Variants in ADAMTS6 observed in about 807,000 individuals in gnomAD.
The protein encoded by ADAMTS6 is A disintegrin and metalloproteinase with thrombospondin motifs 6.
ADAMTS6 carries 23 observed loss-of-function variants against 144.3 expected under a neutral mutation model. The ratio of observed to expected loss-of-function variants is 0.16; its 90% CI spans 0.11 to 0.23. The LOEUF (loss-of-function observed/expected upper bound fraction) is 0.23. Ranked by LOEUF, ADAMTS6 falls within the 10% of genes least tolerant of loss-of-function variation. The probability of loss-of-function intolerance (pLI) is 1.00; values close to 1 mark genes in which losing one functional copy is unlikely to be tolerated. For synonymous variants in ADAMTS6, 444 were observed against 457.5 expected (o/e 0.97, Z 0.38); for missense variants, 999 against 1,379.6 (o/e 0.72, Z 4.37).
At chr5:65,321,269 G>A (rs1745584318) in intron 9 of ADAMTS6, among the ~76,000 whole-genome samples, 1 of 152,100 alleles carries the variant, frequency 6.6e-6, no homozygotes, top group Non-Finnish European at 1.5e-5. Context: ...TTATCTCACT[G>A]TGGTTTTGAT....
chr5:65,194,382 G>A (rs1306088643), intron 21 of ADAMTS6, among the ~76,000 whole-genome samples: 6 of 152,194 alleles, frequency 3.9e-5, no homozygotes, highest in East Asian at 1.9e-4. Flanking sequence ...TATCATGAGC[G>A]TAAATGACCA....
intron 21 of ADAMTS6, among the ~76,000 whole-genome samples, chr5:65,189,803 G>A (rs1366975118): frequency 6.6e-6 from 1 of 152,296 alleles, no homozygotes; most frequent in Non-Finnish European, 1.5e-5. Flanking sequence ...TATTTCAATC[G>A]AAATTCATTT....
At chr5:65,399,728 CATAT>C (rs1387740453) in intron 7 of ADAMTS6, among the ~76,000 whole-genome samples, 1 of 152,076 alleles carries the variant, frequency 6.6e-6, no homozygotes, top group Non-Finnish European at 1.5e-5. Context: ...CAGATACATA[CATAT>C]GATACATAAG....
intron 7 of ADAMTS6, among the ~76,000 whole-genome samples, chr5:65,393,982 G>A (rs1753127962): frequency 6.6e-6 from 1 of 152,146 alleles, no homozygotes; most frequent in South Asian, 2.1e-4. Context: ...GGTAAATAGG[G>A]AGCAAAAGCT....
chr5:65,271,376 TAAAAA>T (rs771448447), intron 12 of ADAMTS6, among the ~76,000 whole-genome samples: 3 of 116,420 alleles, frequency 2.6e-5, no homozygotes, highest in Non-Finnish European at 3.5e-5. Flanking sequence ...ATACTCCGTC[TAAAAA>T]AAAAAAAAAA....
At position 65,471,289 on chromosome 5, in the gene ADAMTS6, T is replaced by C. The variant is rs79995190; in HGVS notation, c.98-147A>G. 9.0e-3 allele frequency: 6,518 copies of C among 720,590 alleles called. 329 individuals carry two copies. In the African/African-American group the frequency reaches 0.11, roughly 12 times the overall value. 44.6% of individuals were successfully genotyped at this position (720,590 alleles called of 1,614,324 possible). On this transcript the variant is annotated intron_variant, in intron 2 of 24. Coordinates refer to ENST00000381055, the MANE Select transcript of ADAMTS6 (RefSeq NM_197941.4). ...TGTGAGGTATGTACAAAAAAAGTTA[T>C]ATTAAACAAAAATGAAAGAATAAAA...
chr5:65,450,349 T>C (rs1386704781), intron 7 of ADAMTS6, among the ~76,000 whole-genome samples: 1 of 152,154 alleles, frequency 6.6e-6, no homozygotes, highest in Non-Finnish European at 1.5e-5. Flanking sequence ...TATGACTCAG[T>C]TACCCGGGAA....
chr5:65,262,212 G>A (rs1761260800), intron 13 of ADAMTS6, among the ~76,000 whole-genome samples: 1 of 152,180 alleles, frequency 6.6e-6, no homozygotes, highest in Non-Finnish European at 1.5e-5. Context: ...GACTCTGGCT[G>A]GAGAAAACAG....
intron 15 of ADAMTS6, among the ~76,000 whole-genome samples, chr5:65,239,247 C>G (rs1267322393): frequency 7.2e-6 from 1 of 139,774 alleles, no homozygotes; most frequent in Non-Finnish European, 1.5e-5. Context: ...GCACATGCAC[C>G]CTAGAACTTA....
chr5:65,183,880 T>A (rs1754513356), intron 22 of ADAMTS6, among the ~76,000 whole-genome samples: 2 of 152,196 alleles, frequency 1.3e-5, no homozygotes, highest in Admixed American at 6.5e-5. Context: ...TTTAGTTCAA[T>A]AATAATTTTT....
intron 1 of ADAMTS6, among the ~76,000 whole-genome samples, chr5:65,479,178 G>GT (rs1322802767): frequency 2.0e-5 from 3 of 152,130 alleles, no homozygotes; most frequent in Non-Finnish European, 2.9e-5. Flanking sequence ...CCTTTCAGGT[G>GT]TTTAATTTTT....
chr5:65,185,680 C>CT (rs1487484748), intron 22 of ADAMTS6, among the ~76,000 whole-genome samples: 4 of 152,156 alleles, frequency 2.6e-5, no homozygotes, highest in Non-Finnish European at 5.9e-5. Context: ...CTTAGAGCCT[C>CT]TTAGAGCCAT....
At chr5:65,388,403 ACTGAAACC>A (rs757373147) in intron 7 of ADAMTS6, among the ~76,000 whole-genome samples, 3 of 152,036 alleles carry the variant, frequency 2.0e-5, no homozygotes, top group Non-Finnish European at 1.5e-5. Context: ...AAGTTATAAC[ACTGAAACC>A]CTCAGCCTAC....
chr5:65,271,283 G>A (rs1762032661), intron 12 of ADAMTS6, among the ~76,000 whole-genome samples: 1 of 150,718 alleles, frequency 6.6e-6, no homozygotes, highest in Admixed American at 6.6e-5. Flanking sequence ...AGCTACTCAG[G>A]CAGCAGAATT....
At chr5:65,155,871 G>T (rs1752385764) in intron 24 of ADAMTS6, among the ~76,000 whole-genome samples, 1 of 152,168 alleles carries the variant, frequency 6.6e-6, no homozygotes, top group Non-Finnish European at 1.5e-5. Context: ...TTCCACCTTA[G>T]AGAAGGGGAT....
chr5:65,285,559 G>A (rs1421116449), intron 11 of ADAMTS6, among the ~76,000 whole-genome samples: 1 of 152,082 alleles, frequency 6.6e-6, no homozygotes, highest in African/African-American at 2.4e-5. Context: ...CACCTACCAT[G>A]AGCCAGGCAC....
At chr5:65,454,434 T>A (rs1759025505) in intron 4 of ADAMTS6, among the ~76,000 whole-genome samples, 1 of 152,156 alleles carries the variant, frequency 6.6e-6, no homozygotes, top group Admixed American at 6.5e-5. Flanking sequence ...AAACACCACT[T>A]CTTATTTCGA....
chr5:65,419,213 C>T (rs1425857164), intron 7 of ADAMTS6, among the ~76,000 whole-genome samples: 1 of 151,992 alleles, frequency 6.6e-6, no homozygotes, highest in Admixed American at 6.6e-5. Context: ...TACTACATGG[C>T]CATAACAAAA....
At chr5:65,201,210 G>A (rs942706847) in intron 20 of ADAMTS6, among the ~76,000 whole-genome samples, 13 of 152,158 alleles carry the variant, frequency 8.5e-5, no homozygotes, top group African/African-American at 2.9e-4. Context: ...GGGTGGTGAT[G>A]GTTCAAGTGA....
Sources: gnomAD v4.1 joint callset for allele counts (sites outside exome capture counted in the v4.1 genomes callset) on GRCh38, gnomAD v4.1.1 for gene constraint, MANE v1.5 for transcripts, NCBI Gene and HGNC (gene_info 2026-07-23, HGNC 2026-07-21) for gene names.